Variants in MCF2L observed in about 807,000 individuals in gnomAD.
The protein encoded by MCF2L is guanine nucleotide exchange factor DBS.
Under a neutral mutation model 153.4 loss-of-function variants are expected in MCF2L, and 97 were observed. That is an observed-to-expected ratio of 0.63 (90% confidence interval 0.54 to 0.75). The LOEUF (loss-of-function observed/expected upper bound fraction) is 0.75, where lower values mean the gene tolerates loss of function less well. MCF2L is among the 30% of genes least tolerant of loss of function. The pLI, the probability that MCF2L is intolerant of heterozygous loss-of-function variation, is 0.00. For synonymous variants in MCF2L, 659 were observed against 632.2 expected (o/e 1.04, Z -0.64); for missense variants, 1,347 against 1,495.2 (o/e 0.90, Z 1.64).
chr13:113,026,866 C>T, intron 3 of MCF2L: 1 of 733,626 alleles, frequency 1.4e-6, no homozygotes, highest in Non-Finnish European at 2.5e-6. Flanking sequence ...TGTGTCTCCC[C>T]AGCGGCGGGC....
At chr13:113,038,645 T>C (rs1420276276) in intron 3 of MCF2L, among the ~76,000 whole-genome samples, 2 of 152,214 alleles carry the variant, frequency 1.3e-5, no homozygotes, top group Non-Finnish European at 2.9e-5. Context: ...GGTGTGAACA[T>C]TGGCAGGCTG....
intron 1 of MCF2L, among the ~76,000 whole-genome samples, chr13:113,007,687 A>C (rs1276033049): frequency 6.6e-6 from 1 of 152,208 alleles, no homozygotes; most frequent in Non-Finnish European, 1.5e-5. Flanking sequence ...CGGCGGCCTC[A>C]GTCACTGTCC....
chr13:112,933,240 C>G (rs889295884), intron 2 of MCF2L, among the ~76,000 whole-genome samples: 2 of 152,310 alleles, frequency 1.3e-5, no homozygotes. Context: ...CCCAGGCTGC[C>G]GTCTCCTTGG....
intron 1 of MCF2L, among the ~76,000 whole-genome samples, chr13:113,002,866 C>G (rs555703589): frequency 2.6e-5 from 4 of 152,102 alleles, no homozygotes; most frequent in Non-Finnish European, 4.4e-5. Flanking sequence ...TCTAAAGTTT[C>G]CAATTTTAAA....
At chr13:112,971,966 C>T (rs149366058) in intron 1 of MCF2L, among the ~76,000 whole-genome samples, 5 of 152,344 alleles carry the variant, frequency 3.3e-5, no homozygotes, top group East Asian at 1.9e-4. Flanking sequence ...CATGTACATG[C>T]GTCACCTTGG....
At chr13:112,952,204 G>A (rs965052390) in intron 2 of MCF2L, among the ~76,000 whole-genome samples, 5 of 152,196 alleles carry the variant, frequency 3.3e-5, no homozygotes, top group African/African-American at 7.2e-5. Context: ...AATATTCAGA[G>A]CCGGGCAGAG....
chr13:113,033,201 G>A (rs1594764384), intron 3 of MCF2L, among the ~76,000 whole-genome samples: 4 of 142,180 alleles, frequency 2.8e-5, no homozygotes, highest in South Asian at 2.2e-4. Flanking sequence ...CCCGTGACGT[G>A]AGTGGCCCCC....
chr13:112,902,498 C>G, intron 2 of MCF2L: 1 of 986,256 alleles, frequency 1.0e-6, no homozygotes. Flanking sequence ...ATGCATGACC[C>G]CCCAGGTAGC....
At chr13:113,015,258 G>A (rs2141201294) in intron 2 of MCF2L, among the ~76,000 whole-genome samples, 1 of 152,364 alleles carries the variant, frequency 6.6e-6, no homozygotes, top group East Asian at 1.9e-4. Flanking sequence ...GCACACCTGT[G>A]GAGGTGGTGC....
rs906125085 is a variant in MCF2L at position 113,099,153 on chromosome 13, T to C, written c.*2294T>C. 6.6e-6 allele frequency: 1 copy of C among 152,130 alleles called. No homozygotes were observed. 9.4% of individuals were successfully genotyped at this position (152,130 alleles called of 1,614,324 possible). On this transcript the variant is annotated 3_prime_UTR_variant, in exon 30 of 30. Transcript: ENST00000535094. The stretch of plus-strand genomic sequence containing the variant: ...CTGAAATGGGATTCAGGACAGTTCA[T>C]AGAGTAAAGGGGGCTGCGTGGCAAT...
At chr13:113,086,387 T>A in intron 21 of MCF2L, 138 bp downstream of exon 21, 1 of 1,238,574 alleles carries the variant, frequency 8.1e-7, no homozygotes, top group Non-Finnish European at 1.1e-6. Flanking sequence ...GGGTGGTCCC[T>A]AGATAAGCCC....
chr13:113,002,024 G>A, intron 1 of MCF2L: 3 of 1,514,006 alleles, frequency 2.0e-6, no homozygotes, highest in African/African-American at 1.4e-5. Context: ...CCCGGAAGGT[G>A]TTGTGGGGCG....
chr13:113,050,673 A>AG (rs1183186405), intron 4 of MCF2L, among the ~76,000 whole-genome samples: 5 of 66,484 alleles, frequency 7.5e-5, no homozygotes, highest in African/African-American at 1.3e-4. Context: ...GGGGCGGTGG[A>AG]GGGGGGGGTG....
chr13:113,023,626 C>G (rs2085044802), intron 2 of MCF2L, among the ~76,000 whole-genome samples: 1 of 152,210 alleles, frequency 6.6e-6, no homozygotes. Context: ...CCATAAAAAG[C>G]TACCCTAAAC....
At chr13:112,897,611 C>T (rs2081080479) in intron 1 of MCF2L, among the ~76,000 whole-genome samples, 1 of 152,240 alleles carries the variant, frequency 6.6e-6, no homozygotes, top group Admixed American at 6.5e-5. Flanking sequence ...CTGACATTTC[C>T]ATCATGATGT....
intron 1 of MCF2L, among the ~76,000 whole-genome samples, chr13:112,980,266 G>A (rs1244955114): frequency 6.6e-6 from 1 of 152,270 alleles, no homozygotes; most frequent in African/African-American, 2.4e-5. Context: ...GTCACAGCCA[G>A]TGCTTTTGTT....
chr13:112,968,510 A>T, upstream of MCF2L: 2 of 1,578,666 alleles, frequency 1.3e-6, no homozygotes, highest in Non-Finnish European at 1.7e-6. Context: ...CGCTTCCCTC[A>T]CTGGGTCCTG....
rs1249955420 is a variant in MCF2L, at chr13:112,951,417, G to A, written c.169+49046G>A. Among the ~76,000 whole-genome samples the A allele has an allele frequency of 1.3e-5, 2 of 152,078 alleles. No individual in the cohort carries two copies. Among genetic ancestry groups the A allele is most frequent in the African/African-American group, 4.8e-5 (2 of 41,396 alleles). ...TACAGGCATATGAATGTTTATATTCGTTTATTTGTCGCAGTCAAAAACTGG... is the reference window on the plus strand; with the variant it reads ...TACAGGCATATGAATGTTTATATTCATTTATTTGTCGCAGTCAAAAACTGG... On this transcript the variant is annotated intron_variant, in intron 2 of 29. Coordinates refer to the MCF2L transcript ENST00000375608. This position sits in a 1 kb window ranked among gnomAD's most constrained non-coding sequence, Gnocchi z 4.8.
chr13:112,901,133 G>A (rs2081115715), intron 1 of MCF2L, among the ~76,000 whole-genome samples: 1 of 152,134 alleles, frequency 6.6e-6, no homozygotes, highest in African/African-American at 2.4e-5. Flanking sequence ...ATCCCTGGTG[G>A]AGCCACCGAT....
Sources: gnomAD v4.1 joint callset for allele counts (sites outside exome capture counted in the v4.1 genomes callset) on GRCh38, gnomAD v4.1.1 for gene constraint, Gnocchi (gnomAD v3.1) non-coding constraint, MANE v1.5 for transcripts, NCBI Gene and HGNC (gene_info 2026-07-23, HGNC 2026-07-21) for gene names.